CCSER1: variants seen among roughly 807,000 people sequenced by gnomAD.
CCSER1 encodes the protein serine-rich coiled-coil domain-containing protein 1.
In CCSER1, 41 loss-of-function variants were observed where a neutral mutation model predicts 82.0. The ratio of observed to expected loss-of-function variants is 0.50; its 90% CI spans 0.39 to 0.65. The LOEUF (loss-of-function observed/expected upper bound fraction) is 0.65, where lower values mean the gene tolerates loss of function less well. CCSER1 is among the 30% of genes least tolerant of loss of function. The probability of loss-of-function intolerance (pLI) is 0.00; values close to 1 mark genes in which losing one functional copy is unlikely to be tolerated. For synonymous variants in CCSER1, 414 were observed against 383.9 expected (o/e 1.08, Z -0.92); for missense variants, 1,119 against 1,064.2 (o/e 1.05, Z -0.72).
intron 5 of CCSER1, among the ~76,000 whole-genome samples, chr4:90,602,085 A>G (rs1005533587): frequency 6.6e-6 from 1 of 152,148 alleles, no homozygotes; most frequent in African/African-American, 2.4e-5. Flanking sequence ...ACATTCTTAT[A>G]GAATTTATGT....
chr4:91,599,217 GT>G lies in CCSER1; in HGVS notation c.*170del, dbSNP rs893985645. On this transcript the variant is annotated 3_prime_UTR_variant, in exon 11 of 11. Coordinates refer to ENST00000509176, the MANE Select transcript of CCSER1 (RefSeq NM_001145065.2). ...CTTAGTCATAAACAAAGACTTGTGG[GT>G]TTTTTTTTTCCAAGAGTGAAAGTTT... 1.4e-3 allele frequency: 1,186 copies of G among 822,548 alleles called. 1 individual carries two copies. The highest frequency in any genetic ancestry group is 2.0e-3 in the South Asian group (69 of 34,390). 51.0% of individuals were successfully genotyped at this position (822,548 alleles called of 1,614,324 possible).
intron 3 of CCSER1, among the ~76,000 whole-genome samples, chr4:90,382,717 T>G (rs776076788): frequency 6.6e-6 from 1 of 152,098 alleles, no homozygotes; most frequent in East Asian, 1.9e-4. Flanking sequence ...AGTACAGTAA[T>G]AGAAAAATGA....
chr4:91,388,513 T>A (rs1014981598), intron 10 of CCSER1, among the ~76,000 whole-genome samples: 2 of 152,108 alleles, frequency 1.3e-5, no homozygotes, highest in Non-Finnish European at 2.9e-5. Context: ...AATTTTACAT[T>A]CCCATCACCA....
chr4:90,578,567 A>G (rs1465839413), intron 5 of CCSER1, among the ~76,000 whole-genome samples: 1 of 152,186 alleles, frequency 6.6e-6, no homozygotes, highest in Non-Finnish European at 1.5e-5. Context: ...GTTCAAAGTG[A>G]TATATTTAAG....
At chr4:91,348,129 C>A (rs1194395292) in intron 10 of CCSER1, among the ~76,000 whole-genome samples, 1 of 152,024 alleles carries the variant, frequency 6.6e-6, no homozygotes, top group Non-Finnish European at 1.5e-5. Flanking sequence ...GATTTTTTAT[C>A]AAATTGAGAA....
chr4:90,534,421 G>A (rs1023164516), intron 5 of CCSER1, among the ~76,000 whole-genome samples: 3 of 151,548 alleles, frequency 2.0e-5, no homozygotes, highest in Non-Finnish European at 4.4e-5. Flanking sequence ...GAGCCACCGA[G>A]CCCAGGCTGT....
At chr4:90,974,461 A>G (rs970318069) in intron 9 of CCSER1, among the ~76,000 whole-genome samples, 1 of 151,530 alleles carries the variant, frequency 6.6e-6, no homozygotes, top group Admixed American at 6.6e-5. Flanking sequence ...TTGAAAAAAA[A>G]GAAAAAGGCT....
At chr4:90,223,116 TC>T (rs894286330) in intron 1 of CCSER1, among the ~76,000 whole-genome samples, 2 of 152,122 alleles carry the variant, frequency 1.3e-5, no homozygotes, top group African/African-American at 4.8e-5. Context: ...TCCCTTCTGT[TC>T]CCCCATTCCT....
intron 9 of CCSER1, among the ~76,000 whole-genome samples, chr4:91,059,976 G>GA (rs1272939228): frequency 6.6e-6 from 1 of 151,854 alleles, no homozygotes; most frequent in Non-Finnish European, 1.5e-5. Flanking sequence ...TTTTCTCTAG[G>GA]ATCAATTCTC....
intron 1 of CCSER1, among the ~76,000 whole-genome samples, chr4:90,296,686 C>G (rs890475305): frequency 1.5e-4 from 23 of 151,982 alleles, no homozygotes; most frequent in Non-Finnish European, 1.0e-4. Flanking sequence ...GTAAGGAAGG[C>G]ATCCAGTTTC....
chr4:91,354,169 A>G (rs866946315), intron 10 of CCSER1, among the ~76,000 whole-genome samples: 1 of 152,180 alleles, frequency 6.6e-6, no homozygotes, highest in South Asian at 2.1e-4. Flanking sequence ...GAGCATGTAG[A>G]TGGGGGTTTG....
At chr4:90,899,474 C>A (rs1424803682) in intron 8 of CCSER1, among the ~76,000 whole-genome samples, 3 of 152,026 alleles carry the variant, frequency 2.0e-5, no homozygotes, top group Non-Finnish European at 4.4e-5. Flanking sequence ...CTGGCAAGGA[C>A]TTCCAGTATT....
chr4:90,301,839 G>A (rs954662980), intron 1 of CCSER1, among the ~76,000 whole-genome samples: 3 of 152,034 alleles, frequency 2.0e-5, no homozygotes, highest in Admixed American at 1.3e-4. Flanking sequence ...AAACATTGTA[G>A]TAAAAAGAAA....
At chr4:90,488,700 CAA>C (rs1338375807) in intron 5 of CCSER1, among the ~76,000 whole-genome samples, 1 of 152,012 alleles carries the variant, frequency 6.6e-6, no homozygotes, top group East Asian at 1.9e-4. Context: ...GGTATAATTG[CAA>C]TGTTTGAAAG....
Position 90,180,920 on chromosome 4 carries a change from T to C in CCSER1, c.-42+53089T>C, listed in dbSNP as rs1471007480. Among the ~76,000 whole-genome samples the C allele has an allele frequency of 3.9e-5, 6 of 152,206 alleles. No homozygotes were observed. In the East Asian group the frequency reaches 1.2e-3, roughly 29 times the overall value. On this transcript the variant is annotated intron_variant, in intron 1 of 10. Transcript: ENST00000509176. Reference sequence around the variant, plus strand: ...ACTATACGAGTTTGAATAATTGCTCTACTGTTTACTAGCTAGATATGCTTA... The same window carrying C: ...ACTATACGAGTTTGAATAATTGCTCCACTGTTTACTAGCTAGATATGCTTA...
chr4:91,436,153 T>A (rs1295146338), intron 10 of CCSER1, among the ~76,000 whole-genome samples: 2 of 152,216 alleles, frequency 1.3e-5, no homozygotes, highest in Non-Finnish European at 2.9e-5. Context: ...AGAACCACAA[T>A]TACTTTTGCA....
intron 10 of CCSER1, among the ~76,000 whole-genome samples, chr4:91,309,988 C>T (rs1203024215): frequency 1.3e-5 from 2 of 151,984 alleles, no homozygotes; most frequent in East Asian, 3.9e-4. Context: ...TGATATATTC[C>T]AGGCCTCTCT....
At position 91,557,635 on chromosome 4, in the gene CCSER1, T is replaced by C. The variant is rs1462415798; in HGVS notation, c.2218-40937T>C. On this transcript the variant is annotated intron_variant, in intron 10 of 10. Coordinates refer to ENST00000509176, the MANE Select transcript of CCSER1 (RefSeq NM_001145065.2). ...GAGAAACTTACTGAAGAAGAGATAA[T>C]TGAGCTATGTTTTAAAGGTTGGATG... Among the ~76,000 whole-genome samples, 5 of 151,410 alleles carry C rather than the reference T, an allele frequency of 3.3e-5. No homozygotes were observed. The South Asian group carries it at 8.3e-4, about 25-fold the overall frequency.
intron 1 of CCSER1, among the ~76,000 whole-genome samples, chr4:90,233,863 A>G (rs1028529062): frequency 6.6e-6 from 1 of 152,162 alleles, no homozygotes; most frequent in Non-Finnish European, 1.5e-5. Flanking sequence ...TAATTAGCAC[A>G]TAACAACATA....
Sources: gnomAD v4.1 joint callset for allele counts (sites outside exome capture counted in the v4.1 genomes callset) on GRCh38, gnomAD v4.1.1 for gene constraint, MANE v1.5 for transcripts, NCBI Gene and HGNC (gene_info 2026-07-23, HGNC 2026-07-21) for gene names.